The following FMN1 variants were observed in gnomAD, a reference collection of about 807,000 sequenced individuals.
The protein encoded by FMN1 is formin-1.
Under a neutral mutation model 132.4 loss-of-function variants are expected in FMN1, and 110 were observed. The ratio of observed to expected loss-of-function variants is 0.83; its 90% confidence interval spans 0.71 to 0.97. The LOEUF is 0.97. Among genes scored for constraint, FMN1 ranks in the 50% least tolerant of loss-of-function variants. The probability of loss-of-function intolerance (pLI) is 0.00; values close to 1 mark genes in which losing one functional copy is unlikely to be tolerated. For missense variants in FMN1, 1,792 were observed against 1,705.3 expected, an observed-to-expected ratio of 1.05 and a Z score of -0.90; for synonymous variants, 722 against 651.7, an observed-to-expected ratio of 1.11 and a Z score of -1.64.
intron 2 of FMN1, among the ~76,000 whole-genome samples, chr15:33,190,680 T>C (rs1212700281): frequency 1.3e-5 from 2 of 152,124 alleles, no homozygotes; most frequent in Non-Finnish European, 2.9e-5. Context: ...TGAGCTTCTT[T>C]AACAAAAACA....
At chr15:32,931,506 T>C (rs1253938292) in intron 9 of FMN1, among the ~76,000 whole-genome samples, 5 of 152,252 alleles carry the variant, frequency 3.3e-5, no homozygotes. Context: ...GTTAATATTT[T>C]TGTGTTATAA....
chr15:33,168,111 C>T (rs564098539), intron 3 of FMN1, among the ~76,000 whole-genome samples: 1 of 152,216 alleles, frequency 6.6e-6, no homozygotes, highest in South Asian at 2.1e-4. Flanking sequence ...ATCATGTAAG[C>T]TTAGGGAGGT....
rs908020670 is a variant in FMN1, at chr15:32,767,477, C to T, written c.*6833G>A. ...CAGGCCAAAGCACGATCCCCTAAATCAAAGTCCAAGGCCACCCTGCTTGCC... is the reference window on the plus strand; with the variant it reads ...CAGGCCAAAGCACGATCCCCTAAATTAAAGTCCAAGGCCACCCTGCTTGCC... On this transcript the variant is annotated 3_prime_UTR_variant, in exon 21 of 21. Transcript: ENST00000616417. 5.9e-5 allele frequency: 9 copies of T among 152,186 alleles called. No homozygotes were observed. The highest frequency in any genetic ancestry group is 2.2e-4 in the African/African-American group (9 of 41,440). The allele number at this position is 152,186 out of a possible 1,614,324, so 9.4% of individuals were successfully genotyped here.
chr15:32,950,682 C>G (rs1257588592), intron 9 of FMN1, among the ~76,000 whole-genome samples: 4 of 151,932 alleles, frequency 2.6e-5, no homozygotes, highest in Admixed American at 6.6e-5. Context: ...ACACTGGGGC[C>G]TATTAGAAGG....
At chr15:33,067,871 T>G in intron 5 of FMN1, 1 of 1,610,296 alleles carries the variant, frequency 6.2e-7, no homozygotes, top group East Asian at 2.2e-5. Flanking sequence ...CAGAGAATTA[T>G]CAACGTTCTC....
intron 9 of FMN1, among the ~76,000 whole-genome samples, chr15:32,935,833 G>A (rs1457890486): frequency 6.6e-6 from 1 of 151,902 alleles, no homozygotes; most frequent in Non-Finnish European, 1.5e-5. Flanking sequence ...TCACCACGTT[G>A]GGCATGCTGG....
intron 17 of FMN1, among the ~76,000 whole-genome samples, chr15:32,808,200 C>G (rs923282956): frequency 6.6e-6 from 1 of 152,194 alleles, no homozygotes; most frequent in Admixed American, 6.5e-5. Context: ...CACAGCCTAC[C>G]AAGTGAAGCA....
At chr15:33,041,182 T>C (rs140549231) in intron 6 of FMN1, among the ~76,000 whole-genome samples, 27 of 151,948 alleles carry the variant, frequency 1.8e-4, no homozygotes, top group African/African-American at 6.0e-4. Context: ...ATTTCAAATA[T>C]ACCAGTAATT....
chr15:32,781,509 C>G (rs1436472969), intron 19 of FMN1, among the ~76,000 whole-genome samples: 2 of 152,172 alleles, frequency 1.3e-5, no homozygotes, highest in Non-Finnish European at 2.9e-5. Flanking sequence ...AACGACCGGG[C>G]TATGCTATGT....
chr15:33,046,067 A>C (rs185638370), intron 6 of FMN1, among the ~76,000 whole-genome samples: 1 of 152,178 alleles, frequency 6.6e-6, no homozygotes. Context: ...ATTTTAATTT[A>C]TTATTACTGT....
At chr15:33,014,152 T>C (rs979718827) in intron 6 of FMN1, among the ~76,000 whole-genome samples, 1 of 152,214 alleles carries the variant, frequency 6.6e-6, no homozygotes, top group Non-Finnish European at 1.5e-5. Context: ...ACTACTGGCA[T>C]TGGTGAATGC....
At chr15:33,178,423 G>C (rs1965588316) in intron 3 of FMN1, among the ~76,000 whole-genome samples, 1 of 152,182 alleles carries the variant, frequency 6.6e-6, no homozygotes, top group Non-Finnish European at 1.5e-5. Context: ...AATGGTTTAT[G>C]ATGTCTCCAT....
intron 9 of FMN1, among the ~76,000 whole-genome samples, chr15:32,944,041 T>C (rs1331905630): frequency 6.6e-6 from 1 of 152,158 alleles, no homozygotes; most frequent in Non-Finnish European, 1.5e-5. Context: ...ATTTCTAATA[T>C]GGCAGTGACT....
intron 4 of FMN1, among the ~76,000 whole-genome samples, chr15:33,141,965 C>T (rs1397432988): frequency 6.6e-6 from 1 of 152,166 alleles, no homozygotes; most frequent in Non-Finnish European, 1.5e-5. Context: ...ACTATACCAA[C>T]TTGCTCATGT....
intron 19 of FMN1, among the ~76,000 whole-genome samples, chr15:32,786,859 C>T (rs1424814254): frequency 2.6e-5 from 4 of 152,202 alleles, no homozygotes; most frequent in African/African-American, 9.6e-5. Flanking sequence ...GCTCTGTCCA[C>T]TCTATATAGT....
At chr15:32,948,507 G>C (rs530127408) in intron 9 of FMN1, among the ~76,000 whole-genome samples, 12 of 151,956 alleles carry the variant, frequency 7.9e-5, no homozygotes, top group Non-Finnish European at 1.5e-4. Context: ...AAATAAGCTG[G>C]ACCTCGCATT....
chr15:33,152,954 ATTGTTAATCAGTCAG>A (rs1964506385), intron 4 of FMN1, 79 bp downstream of exon 4: 1 of 1,308,158 alleles, frequency 7.6e-7, no homozygotes, highest in African/African-American at 1.5e-5. Context: ...ATTTTGGTCC[ATTGTTAATCAGTCAG>A]TTTCTAAGTA....
At chr15:32,790,496 T>C (rs1407404347) in intron 19 of FMN1, among the ~76,000 whole-genome samples, 2 of 152,198 alleles carry the variant, frequency 1.3e-5, no homozygotes, top group African/African-American at 4.8e-5. Context: ...GTGGGGAGTT[T>C]CTAAAACCAC....
chr15:32,856,236 C>T (rs1296713366), intron 17 of FMN1, among the ~76,000 whole-genome samples: 1 of 152,204 alleles, frequency 6.6e-6, no homozygotes, highest in African/African-American at 2.4e-5. Context: ...CCAAAGGCTC[C>T]TATGTGTGTT....
Sources: allele counts gnomAD v4.1 joint callset (sites outside exome capture counted in the v4.1 genomes callset), GRCh38; gene constraint gnomAD v4.1.1; transcripts MANE v1.5; gene names NCBI Gene and HGNC (gene_info 2026-07-23, HGNC 2026-07-21).